Variants in SMN2 observed in about 807,000 individuals in gnomAD.
SMN2 encodes survival motor neuron protein.
SMN2 carries 1 observed loss-of-function variant against 2.8 expected under a neutral mutation model. That is an observed-to-expected ratio of 0.35 (90% CI 0.13 to 1.68). The LOEUF (loss-of-function observed/expected upper bound fraction) is 1.68. Ranked by LOEUF, SMN2 falls within the 40% of genes most tolerant of loss-of-function variation. The pLI, the probability that SMN2 is intolerant of heterozygous loss-of-function variation, is 0.35. For missense variants in SMN2, 12 were observed against 16.9 expected (o/e 0.71, Z 0.51); for synonymous variants, 5 against 5.0 (o/e 0.99, Z 0.01).
chr5:70,084,188 G>GTT, the SMN2 span, among the ~76,000 whole-genome samples: 7 of 50,678 alleles, frequency 1.4e-4, no homozygotes, highest in Admixed American at 4.9e-4. Context: ...CATTTAAATT[G>GTT]TTTTTTTTTT....
the SMN2 span, among the ~76,000 whole-genome samples, chr5:70,084,505 A>G: frequency 7.3e-6 from 1 of 137,730 alleles, no homozygotes. Context: ...AATTTTAAAC[A>G]AAAGTTTGCT....
chr5:70,052,881 CAAAAA>C lies in SMN2; in HGVS notation c.81+3131_81+3135del, dbSNP rs1319873489. 4.2e-5 allele frequency among the ~76,000 whole-genome samples: 3 copies of C among 71,170 alleles called. 1 individual carries two copies. The highest frequency in any genetic ancestry group is 9.1e-5 in the Non-Finnish European group (3 of 32,970). 46.7% of individuals were successfully genotyped at this position (71,170 alleles called of 152,430 possible). A position where few individuals can be genotyped will look rare whatever the true frequency, so the allele number is the denominator to read the frequency against. On this transcript the variant is annotated intron_variant, in intron 1 of 8. Coordinates refer to ENST00000380743, the MANE Select transcript of SMN2 (RefSeq NM_017411.4). ...TGGGCGACAAAATGAGACTCTGCCT[CAAAAA>C]AAAAAAAAAAAAAAAGTGGGAGGAT...
downstream of SMN2, among the ~76,000 whole-genome samples, chr5:70,080,822 C>G (rs1774845474): frequency 8.3e-6 from 1 of 120,838 alleles, no homozygotes; most frequent in African/African-American, 3.8e-5. Flanking sequence ...TGTAGGTTGC[C>G]TGTTCACTCT....
the SMN2 span, among the ~76,000 whole-genome samples, chr5:70,085,286 G>T: frequency 3.4e-4 from 44 of 128,064 alleles, 7 homozygotes; most frequent in Non-Finnish European, 5.1e-4. Context: ...CTGTCACCCA[G>T]GCTGGAGTGC....
intron 6 of SMN2, among the ~76,000 whole-genome samples, chr5:70,069,949 C>T (rs1366339067): frequency 5.5e-5 from 2 of 36,042 alleles, no homozygotes; most frequent in Non-Finnish European, 9.7e-5. Context: ...GTGATCCACC[C>T]GCCTTGGCCT....
Position 70,076,030 on chromosome 5 carries a change from CT to C in SMN2, c.835-488del, listed in dbSNP as rs556199492. The stretch of plus-strand genomic sequence containing the variant: ...CACCATGCCTGGCTAATTTTTTGTA[CT>C]TTCAGTAGAAACGGGGTTTTGCCAT... On this transcript the variant is annotated intron_variant, in intron 7 of 8. Coordinates refer to ENST00000380743, the MANE Select transcript of SMN2 (RefSeq NM_017411.4). Among the ~76,000 whole-genome samples, 19 of 125,994 alleles carry C rather than the reference CT, an allele frequency of 1.5e-4. 1 individual carries two copies. In the East Asian group the frequency reaches 4.0e-3, roughly 27 times the overall value. 82.7% of individuals were successfully genotyped at this position (125,994 alleles called of 152,430 possible).
the SMN2 span, among the ~76,000 whole-genome samples, chr5:70,084,933 C>T: frequency 1.4e-5 from 2 of 138,012 alleles, 1 homozygote; most frequent in Non-Finnish European, 3.1e-5. Flanking sequence ...AATTTGAGAA[C>T]CTTACCCAGA....
the SMN2 span, among the ~76,000 whole-genome samples, chr5:70,088,424 CTTTTTTTTTTTTTT>C: frequency 8.2e-5 from 3 of 36,660 alleles, no homozygotes; most frequent in East Asian, 3.3e-3. Flanking sequence ...AAGTTTCAAA[CTTTTTTTTTTTTTT>C]TTTTTTTTTT....
At chr5:70,070,224 C>G (rs1211237222) in intron 6 of SMN2, among the ~76,000 whole-genome samples, 2 of 108,584 alleles carry the variant, frequency 1.8e-5, no homozygotes, top group South Asian at 6.8e-4. Context: ...TTTTTTTACT[C>G]ATAGCTTCAT....
the SMN2 span, among the ~76,000 whole-genome samples, chr5:70,083,641 T>C: frequency 1.5e-5 from 2 of 135,456 alleles, no homozygotes; most frequent in African/African-American, 6.4e-5. Context: ...GATGAGTTCA[T>C]GTCCTTTGTA....
At chr5:70,082,827 T>TTGA (rs1742052631), downstream of SMN2, among the ~76,000 whole-genome samples, 1 of 27,364 alleles carries the variant, frequency 3.7e-5, no homozygotes, top group African/African-American at 2.9e-4. Context: ...CCTGGATTAA[T>TTGA]TTTTTGAAGG....
chr5:70,083,808 G>A, the SMN2 span, among the ~76,000 whole-genome samples: 4 of 132,394 alleles, frequency 3.0e-5, 1 homozygote, highest in Non-Finnish European at 6.2e-5. Flanking sequence ...GTTGTGGGGT[G>A]GGGGGAGTGG....
At chr5:70,082,378 A>G (rs1413717123), downstream of SMN2, among the ~76,000 whole-genome samples, 2 of 129,978 alleles carry the variant, frequency 1.5e-5, no homozygotes, top group Non-Finnish European at 3.1e-5. Context: ...CTGGCCTCAT[A>G]AAATGAGTTA....
At chr5:70,085,352 CT>C in the SMN2 span, among the ~76,000 whole-genome samples, 2 of 134,232 alleles carry the variant, frequency 1.5e-5, 1 homozygote, top group South Asian at 4.6e-4. Flanking sequence ...AACGATTCTC[CT>C]GCCTCAGTCT....
chr5:70,076,825 A>C lies in SMN2; in HGVS notation c.*4-194A>C. Reference sequence around the variant, plus strand: ...ACATACTTTCACAATAAAGAGCTTTAGGATATGATGCCATTTTATATCACT... The same window carrying C: ...ACATACTTTCACAATAAAGAGCTTTCGGATATGATGCCATTTTATATCACT... On this transcript the variant is annotated intron_variant, in intron 8 of 8. Coordinates refer to ENST00000380743, the MANE Select transcript of SMN2 (RefSeq NM_017411.4). 3 of 1,301,938 alleles carry C rather than the reference A, an allele frequency of 2.3e-6. 1 individual carries two copies. The highest frequency in any genetic ancestry group is 3.0e-6 in the Non-Finnish European group (3 of 1,000,436). The allele number at this position is 1,301,938 out of a possible 1,614,324, so 80.6% of individuals were successfully genotyped here. A position where few individuals can be genotyped will look rare whatever the true frequency, so the allele number is the denominator to read the frequency against.
chr5:70,084,377 C>T, the SMN2 span, among the ~76,000 whole-genome samples: 5 of 113,574 alleles, frequency 4.4e-5, no homozygotes, highest in South Asian at 8.3e-4. Context: ...TTAGTAGAGA[C>T]GGGGTTTCAC....
rs1270114068 is a variant in SMN2 at position 70,076,573 on chromosome 5, G to A, written c.*2G>A. 2 of 1,460,234 alleles carry A rather than the reference G, an allele frequency of 1.4e-6. 1 individual carries two copies. The highest frequency in any genetic ancestry group is 1.9e-6 in the Non-Finnish European group (2 of 1,074,694). The allele number at this position is 1,460,234 out of a possible 1,614,324, so 90.5% of individuals were successfully genotyped here. ...AGGTGCTCACATTCCTTAAATTAAGGAGTAAGTCTGCCAGCATTATGAAAG... is the reference window on the plus strand; with the variant it reads ...AGGTGCTCACATTCCTTAAATTAAGAAGTAAGTCTGCCAGCATTATGAAAG... On this transcript the variant is annotated splice_region_variant and 3_prime_UTR_variant, in exon 8 of 9. Transcript: ENST00000380743.
chr5:70,077,427 T>TA lies in SMN2; in HGVS notation c.*413dup, dbSNP rs1372401123. On this transcript the variant is annotated 3_prime_UTR_variant, in exon 9 of 9. Transcript: ENST00000380743. ...ACTTAAGCATTTAGGAATGAAGTGT[T>TA]AGAGTGTCTTAAAATGTTTCAAATG... The TA allele has an allele frequency of 1.5e-5, 1 of 66,044 alleles. No homozygotes were observed. Among genetic ancestry groups the TA allele is most frequent in the East Asian group, 3.1e-4 (1 of 3,182 alleles). 4.1% of individuals were successfully genotyped at this position (66,044 alleles called of 1,614,324 possible).
At chr5:70,079,439 A>C (rs1330555174), downstream of SMN2, among the ~76,000 whole-genome samples, 2 of 149,758 alleles carry the variant, frequency 1.3e-5, no homozygotes, top group African/African-American at 5.0e-5. Flanking sequence ...CTCAAAAAAA[A>C]AAAAAAAAAA....
Sources: gnomAD v4.1 joint callset for allele counts (sites outside exome capture counted in the v4.1 genomes callset) on GRCh38, gnomAD v4.1.1 for gene constraint, MANE v1.5 for transcripts, NCBI Gene and HGNC (gene_info 2026-07-23, HGNC 2026-07-21) for gene names.